The following SLC35D4 variants were observed in gnomAD, a reference collection of about 807,000 sequenced individuals.
SLC35D4 encodes the protein UDP-N-acetylglucosamine transporter SLC35D4.
chr18:23,309,575 C>T, the SLC35D4 span: 1 of 947,866 alleles, frequency 1.1e-6, no homozygotes, highest in Non-Finnish European at 1.7e-6. Context: ...TGGAGATACA[C>T]AGCCAACGCA....
At chr18:23,261,689 A>G in the SLC35D4 span, among the ~76,000 whole-genome samples, 1 of 152,356 alleles carries the variant, frequency 6.6e-6, no homozygotes, top group South Asian at 2.1e-4. Flanking sequence ...AAATACACTC[A>G]GAACACTTTT....
chr18:23,373,630 A>C, the SLC35D4 span: 1 of 1,493,342 alleles, frequency 6.7e-7, no homozygotes, highest in South Asian at 1.1e-5. Flanking sequence ...TCTAAAAGGA[A>C]GGACTAGGAA....
chr18:23,346,819 AC>A, the SLC35D4 span, among the ~76,000 whole-genome samples: 1 of 152,250 alleles, frequency 6.6e-6, no homozygotes, highest in Non-Finnish European at 1.5e-5. Context: ...ACAAGGTATT[AC>A]ATTAGTTAAT....
the SLC35D4 span, among the ~76,000 whole-genome samples, chr18:23,384,001 TGG>T: frequency 4.0e-4 from 15 of 37,464 alleles, no homozygotes; most frequent in East Asian, 1.0e-3. Context: ...TTCCAAAAAT[TGG>T]GGGGGGGGGG....
At chr18:23,280,188 G>A in the SLC35D4 span, among the ~76,000 whole-genome samples, 2 of 152,264 alleles carry the variant, frequency 1.3e-5, no homozygotes, top group Non-Finnish European at 2.9e-5. Context: ...TTGCAGACGG[G>A]CCTCGGCTGG....
the SLC35D4 span, among the ~76,000 whole-genome samples, chr18:23,396,071 CA>C: frequency 6.6e-6 from 1 of 152,140 alleles, no homozygotes; most frequent in Non-Finnish European, 1.5e-5. Context: ...TGGACAGCTA[CA>C]AGAAAAATCT....
At chr18:23,252,978 G>C in the SLC35D4 span, 1 of 1,612,146 alleles carries the variant, frequency 6.2e-7, no homozygotes, top group South Asian at 1.1e-5. Flanking sequence ...GATTGACTAC[G>C]TGAAGCCCTC....
At chr18:23,254,886 C>T in the SLC35D4 span, among the ~76,000 whole-genome samples, 4 of 152,190 alleles carry the variant, frequency 2.6e-5, no homozygotes, top group African/African-American at 9.7e-5. Context: ...GGGACACAAA[C>T]ATTCAGCCCA....
chr18:23,367,406 G>A, the SLC35D4 span, among the ~76,000 whole-genome samples: 2 of 152,170 alleles, frequency 1.3e-5, no homozygotes, highest in Non-Finnish European at 1.5e-5. Flanking sequence ...GGTTGCAGAG[G>A]GTGGGGGACT....
chr18:23,423,104 T>A, the SLC35D4 span, among the ~76,000 whole-genome samples: 1 of 152,190 alleles, frequency 6.6e-6, no homozygotes, highest in African/African-American at 2.4e-5. Flanking sequence ...CTCCTGTCTG[T>A]CTGCTATGTG....
At chr18:23,385,643 G>A in the SLC35D4 span, among the ~76,000 whole-genome samples, 8 of 152,162 alleles carry the variant, frequency 5.3e-5, no homozygotes, top group African/African-American at 1.7e-4. Context: ...GAAGGGGGAC[G>A]TGAGGGACAG....
chr18:23,368,588 T>C, the SLC35D4 span: 1 of 644,374 alleles, frequency 1.6e-6, no homozygotes, highest in Non-Finnish European at 2.6e-6. Context: ...CTCTGTCATC[T>C]CACAAATTCT....
chr18:23,327,158 C>A, the SLC35D4 span, among the ~76,000 whole-genome samples: 1 of 152,132 alleles, frequency 6.6e-6, no homozygotes, highest in Non-Finnish European at 1.5e-5. Flanking sequence ...CAAGAACAAA[C>A]AAATTCAAAA....
chr18:23,304,282 A>AC, the SLC35D4 span, among the ~76,000 whole-genome samples: 709 of 149,164 alleles, frequency 4.8e-3, 3 homozygotes, highest in Middle Eastern at 0.021. Context: ...GTATCAAAAA[A>AC]AAAAAAAAAA....
the SLC35D4 span, among the ~76,000 whole-genome samples, chr18:23,289,919 C>T: frequency 1.3e-5 from 2 of 152,058 alleles, no homozygotes; most frequent in East Asian, 1.9e-4. Flanking sequence ...TCCTATAAAA[C>T]GGCCCCACCC....
At chr18:23,312,943 T>C in the SLC35D4 span, among the ~76,000 whole-genome samples, 1,005 of 151,748 alleles carry the variant, frequency 6.6e-3, 11 homozygotes, top group African/African-American at 0.023. Context: ...CTGGCTAACA[T>C]GGTGAAACCC....
the SLC35D4 span, among the ~76,000 whole-genome samples, chr18:23,411,535 AAGAAAG>A: frequency 6.6e-6 from 1 of 150,880 alleles, no homozygotes; most frequent in African/African-American, 2.4e-5. Flanking sequence ...GAAAGAAAGA[AAGAAAG>A]AAAGAAAGAA....
At chr18:23,333,507 G>C in the SLC35D4 span, among the ~76,000 whole-genome samples, 3 of 152,298 alleles carry the variant, frequency 2.0e-5, no homozygotes, top group South Asian at 6.2e-4. Context: ...AACATTTCAA[G>C]AGTGCATGAA....
At chr18:23,286,914 C>G in the SLC35D4 span, among the ~76,000 whole-genome samples, 1 of 150,332 alleles carries the variant, frequency 6.7e-6, no homozygotes, top group Non-Finnish European at 1.5e-5. Context: ...GCCTCCTTTG[C>G]GTCCTCCTCT....
Sources: allele counts gnomAD v4.1 joint callset (sites outside exome capture counted in the v4.1 genomes callset), GRCh38; gene constraint gnomAD v4.1.1; transcripts MANE v1.5; gene names NCBI Gene and HGNC (gene_info 2026-07-23, HGNC 2026-07-21).